Variants in ATG7 observed in about 807,000 individuals in gnomAD.
The protein encoded by ATG7 is ubiquitin-like modifier-activating enzyme ATG7.
Under a neutral mutation model 82.4 loss-of-function variants are expected in ATG7, and 70 were observed. The ratio of observed to expected loss-of-function variants is 0.85; its 90% CI spans 0.70 to 1.04. ATG7 has a LOEUF of 1.04. ATG7 is among the 50% of genes least tolerant of loss of function. The pLI, the probability that ATG7 is intolerant of heterozygous loss-of-function variation, is 0.00. For synonymous variants in ATG7, 287 were observed against 313.0 expected (o/e 0.92, Z 0.88); for missense variants, 792 against 864.3 (o/e 0.92, Z 1.05).
chr3:11,452,729 G>A (rs1386040869), intron 20 of ATG7, among the ~76,000 whole-genome samples: 1 of 152,188 alleles, frequency 6.6e-6, no homozygotes, highest in Non-Finnish European at 1.5e-5. Context: ...AGACTGGTTA[G>A]GATTGGGGAA....
intron 3 of ATG7, among the ~76,000 whole-genome samples, chr3:11,287,006 G>A (rs921232988): frequency 2.0e-5 from 3 of 151,860 alleles, no homozygotes; most frequent in Admixed American, 2.0e-4. Flanking sequence ...CCCCCAAGCA[G>A]TCCTCCTGCC....
intron 20 of ATG7, among the ~76,000 whole-genome samples, chr3:11,490,940 A>G (rs1400983900): frequency 1.3e-5 from 2 of 152,036 alleles, no homozygotes; most frequent in Non-Finnish European, 2.9e-5. Flanking sequence ...GAATCTGACA[A>G]TTATGTGTCT....
the ATG7 span, among the ~76,000 whole-genome samples, chr3:11,575,611 C>G: frequency 2.0e-5 from 3 of 152,208 alleles, no homozygotes; most frequent in African/African-American, 2.4e-5. Flanking sequence ...CCAGCGGCAG[C>G]CGCTTAAAGA....
chr3:11,407,337 G>T (rs1457783154), intron 19 of ATG7, among the ~76,000 whole-genome samples: 4 of 152,242 alleles, frequency 2.6e-5, no homozygotes, highest in Non-Finnish European at 5.9e-5. Context: ...GGGCAGCTCT[G>T]CCCCTGTGGC....
At chr3:11,526,258 G>A (rs543173192) in intron 20 of ATG7, among the ~76,000 whole-genome samples, 9 of 152,178 alleles carry the variant, frequency 5.9e-5, no homozygotes, top group African/African-American at 1.7e-4. Flanking sequence ...GGGCCTAGTG[G>A]TGCATGCCTG....
rs987113193 is a variant in ATG7, at chr3:11,554,917, T to A, written c.*74T>A. On this transcript the variant is annotated 3_prime_UTR_variant, in exon 21 of 21. Transcript: ENST00000693202. ...CTCTCCATCGCCAGAGCAGGACTGC[T>A]GACCCCAGGCCTGGTGATTCTGGGC... 1.4e-5 allele frequency: 22 copies of A among 1,560,020 alleles called. No individual in the cohort carries two copies. The African/African-American group carries it at 2.8e-4, about 20-fold the overall frequency.
chr3:11,522,182 A>G (rs1014799212), intron 20 of ATG7, among the ~76,000 whole-genome samples: 5 of 152,096 alleles, frequency 3.3e-5, no homozygotes, highest in Non-Finnish European at 7.4e-5. Flanking sequence ...GGAGAATTGT[A>G]TGCCTTCCAA....
chr3:11,379,362 G>C (rs191132086), intron 18 of ATG7, among the ~76,000 whole-genome samples: 208 of 152,270 alleles, frequency 1.4e-3, no homozygotes, highest in Non-Finnish European at 2.3e-3. Context: ...CCTGATTATA[G>C]CTGATACTCT....
chr3:11,328,747 A>T (rs149222013), intron 9 of ATG7, among the ~76,000 whole-genome samples: 1 of 152,234 alleles, frequency 6.6e-6, no homozygotes, highest in African/African-American at 2.4e-5. Flanking sequence ...TGGTTATAGA[A>T]CATTTACTAG....
chr3:11,528,823 C>T (rs1281914867), intron 20 of ATG7, among the ~76,000 whole-genome samples: 1 of 76,968 alleles, frequency 1.3e-5, no homozygotes, highest in African/African-American at 7.2e-5. Flanking sequence ...AAGACTCCAT[C>T]TCAAAAAAAA....
chr3:11,275,137 T>C (rs1941429938), intron 1 of ATG7, among the ~76,000 whole-genome samples: 1 of 151,934 alleles, frequency 6.6e-6, no homozygotes, highest in African/African-American at 2.4e-5. Context: ...ACTGATAGGA[T>C]GAAACAGAAG....
chr3:11,557,734 T>TA (rs2072575308), downstream of ATG7: 1 of 152,768 alleles, frequency 6.5e-6, no homozygotes, highest in African/African-American at 2.4e-5. Context: ...TTTTCTCCAT[T>TA]AAAACATGCA....
At chr3:11,522,438 G>A (rs1242546253) in intron 20 of ATG7, among the ~76,000 whole-genome samples, 1 of 151,894 alleles carries the variant, frequency 6.6e-6, no homozygotes, top group Non-Finnish European at 1.5e-5. Flanking sequence ...GGACACTGGG[G>A]AATTCCGGAA....
At chr3:11,562,154 C>T (rs555930721), downstream of ATG7, among the ~76,000 whole-genome samples, 8 of 152,192 alleles carry the variant, frequency 5.3e-5, no homozygotes, top group East Asian at 1.6e-3. Flanking sequence ...GCCTCAACCC[C>T]CCAAAGGGCT....
chr3:11,477,333 C>T lies in ATG7; in HGVS notation c.2079+50407C>T, dbSNP rs141636109. On this transcript the variant is annotated intron_variant, in intron 20 of 20. Coordinates refer to ENST00000693202, the MANE Select transcript of ATG7 (RefSeq NM_001349232.2). ...ATTTTTGTGCTACAAACTCCTGAAT[C>T]GATAAATACGTTCAGTAATGAATGT... 1.3e-4 allele frequency: 145 copies of T among 1,156,890 alleles called. No individual in the cohort carries two copies. The African/African-American group carries it at 1.9e-3, about 15-fold the overall frequency. 71.7% of individuals were successfully genotyped at this position (1,156,890 alleles called of 1,614,324 possible). A position where few individuals can be genotyped will look rare whatever the true frequency, so the allele number is the denominator to read the frequency against.
At chr3:11,484,375 C>T (rs1037767119) in intron 20 of ATG7, among the ~76,000 whole-genome samples, 1 of 152,108 alleles carries the variant, frequency 6.6e-6, no homozygotes, top group African/African-American at 2.4e-5. Flanking sequence ...GCCCGGATGA[C>T]AGGAGACTCC....
chr3:11,343,487 A>C (rs1006408217), intron 13 of ATG7, among the ~76,000 whole-genome samples: 1 of 152,012 alleles, frequency 6.6e-6, no homozygotes, highest in Non-Finnish European at 1.5e-5. Flanking sequence ...TATTGGGGCA[A>C]TTAACCTTTT....
intron 19 of ATG7, among the ~76,000 whole-genome samples, chr3:11,382,023 T>G (rs1488089393): frequency 6.6e-6 from 1 of 152,234 alleles, no homozygotes; most frequent in Non-Finnish European, 1.5e-5. Flanking sequence ...AGTCATGTCA[T>G]AGTTGTTGTT....
chr3:11,475,674 T>A (rs2153023060), intron 20 of ATG7, among the ~76,000 whole-genome samples: 1 of 152,192 alleles, frequency 6.6e-6, no homozygotes, highest in East Asian at 1.9e-4. Context: ...TGAAGGAGAA[T>A]TTGTTGATAC....
Sources: gnomAD v4.1 joint callset for allele counts (sites outside exome capture counted in the v4.1 genomes callset) on GRCh38, gnomAD v4.1.1 for gene constraint, MANE v1.5 for transcripts, NCBI Gene and HGNC (gene_info 2026-07-23, HGNC 2026-07-21) for gene names.